ALK: variants seen among roughly 807,000 people sequenced by gnomAD.
ALK encodes ALK tyrosine kinase receptor.
A neutral mutation model predicts 163.1 loss-of-function variants in ALK; 74 were observed. That is an observed-to-expected ratio of 0.45 (90% CI 0.38 to 0.55). The LOEUF (loss-of-function observed/expected upper bound fraction) is 0.55, where lower values mean the gene tolerates loss of function less well. ALK is among the 20% of genes least tolerant of loss of function. The pLI is 0.00. For missense variants in ALK, 2,063 were observed against 2,105.3 expected (o/e 0.98, Z 0.39); for synonymous variants, 960 against 843.2 (o/e 1.14, Z -2.40).
intron 1 of ALK, among the ~76,000 whole-genome samples, chr2:29,793,940 G>C (rs775399192): frequency 2.0e-5 from 3 of 152,138 alleles, no homozygotes; most frequent in Non-Finnish European, 2.9e-5. Flanking sequence ...ATCACCACCT[G>C]TATTCACCCC....
intron 26 of ALK, among the ~76,000 whole-genome samples, chr2:29,200,917 G>T (rs1452932071): frequency 6.7e-6 from 1 of 149,572 alleles, no homozygotes; most frequent in Non-Finnish European, 1.5e-5. Context: ...AACTTGCTCT[G>T]CCTGGAATGA....
chr2:29,400,241 T>C (rs1669411484), intron 4 of ALK, among the ~76,000 whole-genome samples: 2 of 152,264 alleles, frequency 1.3e-5, no homozygotes, highest in Non-Finnish European at 2.9e-5. Flanking sequence ...TGATATTAAG[T>C]ATTAGTAAAA....
chr2:29,716,902 T>G (rs1679272231), intron 2 of ALK, among the ~76,000 whole-genome samples: 2 of 147,850 alleles, frequency 1.4e-5, no homozygotes, highest in African/African-American at 2.5e-5. Flanking sequence ...CCCAGCACTT[T>G]AGAAGGCTGA....
At chr2:29,280,432 G>C (rs764103699) in intron 9 of ALK, among the ~76,000 whole-genome samples, 11 of 151,522 alleles carry the variant, frequency 7.3e-5, no homozygotes, top group Non-Finnish European at 1.5e-4. Context: ...GTTCTAGAAT[G>C]TACCCGGTGG....
At chr2:29,813,913 A>C (rs368666840) in intron 1 of ALK, among the ~76,000 whole-genome samples, 1 of 152,346 alleles carries the variant, frequency 6.6e-6, no homozygotes, top group African/African-American at 2.4e-5. Context: ...CATGGCTGTC[A>C]TGTCTGGAAG....
chr2:29,672,222 T>A (rs1342938299), intron 3 of ALK, among the ~76,000 whole-genome samples: 6 of 151,820 alleles, frequency 4.0e-5, no homozygotes, highest in South Asian at 2.1e-4. Context: ...CATGTGCACA[T>A]TGTGCAGGTT....
At chr2:29,377,597 C>T (rs79117413) in intron 5 of ALK, among the ~76,000 whole-genome samples, 3,312 of 152,212 alleles carry the variant, frequency 0.022, 51 homozygotes, top group Non-Finnish European at 0.033. Context: ...TTCTAGGCGC[C>T]CCCAAAGACA....
chr2:29,420,350 G>A (rs913175860), intron 4 of ALK, among the ~76,000 whole-genome samples: 1 of 151,400 alleles, frequency 6.6e-6, no homozygotes, highest in African/African-American at 2.5e-5. Context: ...ATATTTGAAG[G>A]TTTTAAATGC....
intron 3 of ALK, among the ~76,000 whole-genome samples, chr2:29,690,237 T>C (rs1380977084): frequency 6.6e-6 from 1 of 152,082 alleles, no homozygotes; most frequent in African/African-American, 2.4e-5. Flanking sequence ...GAAGCCATCT[T>C]GATGAACAGA....
intron 1 of ALK, among the ~76,000 whole-genome samples, chr2:29,874,760 G>A (rs1666661957): frequency 6.6e-6 from 1 of 152,192 alleles, no homozygotes; most frequent in Non-Finnish European, 1.5e-5. Context: ...TCCCATATCA[G>A]AGGGGCCTTT....
intron 1 of ALK, among the ~76,000 whole-genome samples, chr2:29,783,196 C>T (rs778236321): frequency 6.6e-6 from 1 of 152,196 alleles, no homozygotes; most frequent in African/African-American, 2.4e-5. Flanking sequence ...GTTCTTCCCC[C>T]CTTTGTGATG....
chr2:29,473,646 AT>A lies in ALK; in HGVS notation c.1154+58268del, dbSNP rs1384923845. Among the ~76,000 whole-genome samples the A allele has an allele frequency of 7.2e-5, 11 of 152,326 alleles. 1 individual carries two copies. In the South Asian group the frequency reaches 1.7e-3, roughly 23 times the overall value. On this transcript the variant is annotated intron_variant, in intron 4 of 28. Transcript: ENST00000389048. Reference sequence around the variant, plus strand: ...TGAAAGGTGTTCAAAATCATTACTCATCAGGGAAATGCAGGAGTTTGAGACC... The same window carrying A: ...TGAAAGGTGTTCAAAATCATTACTCACAGGGAAATGCAGGAGTTTGAGACC...
At chr2:29,592,680 T>C (rs1675094965) in intron 3 of ALK, among the ~76,000 whole-genome samples, 1 of 152,224 alleles carries the variant, frequency 6.6e-6, no homozygotes, top group Admixed American at 6.5e-5. Flanking sequence ...GAAAGATATG[T>C]ACTAGTCCTA....
At chr2:29,590,718 T>C (rs1384548170) in intron 3 of ALK, among the ~76,000 whole-genome samples, 1 of 152,148 alleles carries the variant, frequency 6.6e-6, no homozygotes, top group Non-Finnish European at 1.5e-5. Context: ...CTTGGCTATG[T>C]ATTCCCACCT....
intron 3 of ALK, among the ~76,000 whole-genome samples, chr2:29,587,635 T>G (rs1674927557): frequency 1.3e-5 from 2 of 152,020 alleles, no homozygotes; most frequent in South Asian, 4.2e-4. Context: ...TGCATAACTG[T>G]CCATAGCTTC....
At chr2:29,826,680 G>A (rs1434918561) in intron 1 of ALK, among the ~76,000 whole-genome samples, 1 of 152,196 alleles carries the variant, frequency 6.6e-6, no homozygotes, top group Non-Finnish European at 1.5e-5. Context: ...CAACATCAGA[G>A]CAATGCCTGC....
intron 4 of ALK, among the ~76,000 whole-genome samples, chr2:29,516,231 T>G (rs1672659116): frequency 6.6e-6 from 1 of 152,206 alleles, no homozygotes; most frequent in South Asian, 2.1e-4. Context: ...CTCTGCTAAG[T>G]GCACTGTTGG....
chr2:29,197,052 A>G (rs1412173223), intron 27 of ALK, among the ~76,000 whole-genome samples, 192 bp from the exon 28 acceptor site: 1 of 152,202 alleles, frequency 6.6e-6, no homozygotes, highest in Non-Finnish European at 1.5e-5. Flanking sequence ...TAACACAGAC[A>G]TCCTGATGTT....
At chr2:29,376,643 C>T (rs184602009) in intron 5 of ALK, among the ~76,000 whole-genome samples, 3 of 152,336 alleles carry the variant, frequency 2.0e-5, no homozygotes, top group Admixed American at 2.0e-4. Flanking sequence ...GACAGAGTGC[C>T]ACTGTGATCT....
Sources: allele counts gnomAD v4.1 joint callset (sites outside exome capture counted in the v4.1 genomes callset), GRCh38; gene constraint gnomAD v4.1.1; transcripts MANE v1.5; gene names NCBI Gene and HGNC (gene_info 2026-07-23, HGNC 2026-07-21).